IL4I1: variants seen among roughly 807,000 people sequenced by gnomAD.
The protein encoded by IL4I1 is L-amino-acid oxidase.
In IL4I1, 24 loss-of-function variants were observed where a neutral mutation model predicts 29.7. The observed-to-expected ratio is 0.81, with a 90% confidence interval of 0.59 to 1.14. The LOEUF is 1.14. IL4I1 is among the 50% of genes most tolerant of loss of function. The pLI, the probability that IL4I1 is intolerant of heterozygous loss-of-function variation, is 0.00. For synonymous variants in IL4I1, 371 were observed against 352.5 expected (o/e 1.05, Z -0.59); for missense variants, 686 against 785.6 (o/e 0.87, Z 1.52).
chr19:49,914,737 T>G (rs899294398), intron 2 of IL4I1, among the ~76,000 whole-genome samples: 16 of 114,142 alleles, frequency 1.4e-4, no homozygotes, highest in African/African-American at 5.2e-4. Context: ...TTTTTTTTTT[T>G]TTTTTTTTTT....
At chr19:49,894,887 G>A (rs908675974) in intron 4 of IL4I1, among the ~76,000 whole-genome samples, 181 bp downstream of exon 4, 2 of 152,088 alleles carry the variant, frequency 1.3e-5, no homozygotes, top group South Asian at 2.1e-4. Context: ...CAGGTGGCCC[G>A]AGTGTTGCCA....
intron 2 of IL4I1, among the ~76,000 whole-genome samples, chr19:49,912,194 G>C (rs111815150): frequency 6.8e-6 from 1 of 147,352 alleles, no homozygotes; most frequent in African/African-American, 2.5e-5. Flanking sequence ...TTTGAGACGG[G>C]AGTCTCGCTC....
intron 3 of IL4I1, 108 bp downstream of exon 3, chr19:49,895,707 A>AACC: frequency 1.9e-6 from 1 of 513,086 alleles, no homozygotes; most frequent in Non-Finnish European, 3.7e-6. Flanking sequence ...CTCCCCCCAC[A>AACC]TCCCCACCTC....
At chr19:49,916,456 T>C (rs1229363956) in intron 2 of IL4I1, among the ~76,000 whole-genome samples, 7 of 151,112 alleles carry the variant, frequency 4.6e-5, no homozygotes, top group African/African-American at 1.7e-4. Context: ...CGGTATCTTT[T>C]GTATTTTTGT....
At chr19:49,904,876 A>AT (rs886574547) in intron 2 of IL4I1, among the ~76,000 whole-genome samples, 6 of 151,944 alleles carry the variant, frequency 3.9e-5, no homozygotes, top group African/African-American at 1.2e-4. Context: ...CACCCGGCTA[A>AT]TTTTTTTATA....
At chr19:49,901,942 T>C in intron 3 of IL4I1, 1 of 365,848 alleles carries the variant, frequency 2.7e-6, no homozygotes, top group Non-Finnish European at 4.9e-6. Flanking sequence ...AGCCCTTGTC[T>C]CACTCACCCT....
intron 4 of IL4I1, 63 bp downstream of exon 4, chr19:49,895,005 G>A (rs986670346): frequency 2.3e-6 from 3 of 1,280,082 alleles, no homozygotes; most frequent in Non-Finnish European, 2.3e-6. Context: ...CCACTCTGGT[G>A]TGGGCATGGA....
chr19:49,890,592 C>G lies in IL4I1; in HGVS notation c.782G>C (p.Arg261Pro). 1 of 1,553,514 alleles carries G rather than the reference C, an allele frequency of 6.4e-7. No individual in the cohort carries two copies. Among genetic ancestry groups the G allele is most frequent in the Non-Finnish European group, 8.7e-7 (1 of 1,152,880 alleles). Reference sequence around the variant, plus strand: ...CAGCAGGTCCCAGCCACCCACGATGCGGCTGTACCTGCAGGCGGGGCGGGG... The same window carrying G: ...CAGCAGGTCCCAGCCACCCACGATGGGGCTGTACCTGCAGGCGGGGCGGGG... ...SCLSDRLQYS[R>P]IVGGWDLLPR... Residue 261 changes from arginine to proline, a missense_variant, in exon 8 of 8, where the codon CGC becomes CCC. Arg to Pro is a moderately radical substitution (Grantham distance 103, BLOSUM62 -2). Coordinates refer to ENST00000391826, the MANE Select transcript of IL4I1 (RefSeq NM_152899.2).
At chr19:49,896,351 G>A (rs187958037) in intron 1 of IL4I1, among the ~76,000 whole-genome samples, 169 bp from the exon 2 acceptor site, 4 of 148,912 alleles carry the variant, frequency 2.7e-5, no homozygotes, top group Non-Finnish European at 4.4e-5. Flanking sequence ...CCCCTGGACC[G>A]TCCCTGCCTC....
rs140225154 is a variant in IL4I1, at chr19:49,895,904, G to T, written c.163C>A (p.Arg55=). The T allele has an allele frequency of 6.2e-7, 1 of 1,614,076 alleles. No homozygotes were observed. The highest frequency in any genetic ancestry group is 1.7e-5 in the Admixed American group (1 of 59,992). ...LLKVVTWGLN[R]TLKPQRVIVV... is the part of the protein sequence containing the mutation. ...ATCACCCTCTGGGGCTTCAGGGTCC[G>T]ATTGAGCCCCCAGGTCACCACCTTG... Residue 55 remains arginine, a synonymous_variant, in exon 3 of 8, where the codon CGG becomes AGG. Transcript: ENST00000391826.
At chr19:49,922,512 G>A (rs1403842425) in intron 2 of IL4I1, among the ~76,000 whole-genome samples, 1 of 151,888 alleles carries the variant, frequency 6.6e-6, no homozygotes, top group Non-Finnish European at 1.5e-5. Context: ...GCACAGAGGG[G>A]ACCAGCCTCA....
intron 2 of IL4I1, among the ~76,000 whole-genome samples, chr19:49,925,666 G>A (rs2075869335): frequency 6.6e-6 from 1 of 152,184 alleles, no homozygotes; most frequent in Non-Finnish European, 1.5e-5. Flanking sequence ...CATCCTGAAG[G>A]CATCCGGAAG....
At chr19:49,924,601 C>T (rs565564721) in intron 2 of IL4I1, among the ~76,000 whole-genome samples, 5 of 152,258 alleles carry the variant, frequency 3.3e-5, no homozygotes, top group Admixed American at 6.5e-5. Context: ...AAGGGGAGCT[C>T]GAGGCTGGGG....
At chr19:49,909,551 G>T (rs779725554) in intron 2 of IL4I1, 1 of 1,614,206 alleles carries the variant, frequency 6.2e-7, no homozygotes, top group Non-Finnish European at 8.5e-7. Flanking sequence ...AGAAAATCCA[G>T]TTCCCCCCGA....
chr19:49,902,097 T>G (rs1409656611), intron 3 of IL4I1, among the ~76,000 whole-genome samples: 1 of 150,976 alleles, frequency 6.6e-6, no homozygotes, highest in Non-Finnish European at 1.5e-5. Flanking sequence ...CCTCCTGGGT[T>G]CAAGTGGTTC....
At chr19:49,925,426 C>A (rs2075862732) in intron 2 of IL4I1, among the ~76,000 whole-genome samples, 1 of 146,594 alleles carries the variant, frequency 6.8e-6, no homozygotes, top group Admixed American at 7.0e-5. Flanking sequence ...AAGACCCTCC[C>A]CCCCATCTCT....
chr19:49,917,169 G>A (rs1360381682), intron 2 of IL4I1, among the ~76,000 whole-genome samples: 1 of 152,218 alleles, frequency 6.6e-6, no homozygotes, highest in Non-Finnish European at 1.5e-5. Context: ...GGAGAGGAGA[G>A]AAACAAGGGG....
chr19:49,890,234 C>A lies in IL4I1; in HGVS notation c.1140G>T (p.Ser380=). 1.3e-6 allele frequency: 2 copies of A among 1,558,658 alleles called. No homozygotes were observed. Among genetic ancestry groups the A allele is most frequent in the Non-Finnish European group, 1.7e-6 (2 of 1,151,402 alleles). ...GCGGCGGCGGGTAGAAAATCATGCGCGACGGGCGATCGGTGTTTGAGTGGC... is the reference window on the plus strand; with the variant it reads ...GCGGCGGCGGGTAGAAAATCATGCGAGACGGGCGATCGGTGTTTGAGTGGC... ...EGGHSNTDRP[S]RMIFYPPPRE... The change falls in exon 8 of 8, where the codon TCG becomes TCT. Residue 380 remains serine (S), a synonymous_variant. Coordinates refer to ENST00000391826, the MANE Select transcript of IL4I1 (RefSeq NM_152899.2).
upstream of IL4I1, among the ~76,000 whole-genome samples, chr19:49,900,891 G>T (rs2075265356): frequency 6.6e-6 from 1 of 152,216 alleles, no homozygotes; most frequent in South Asian, 2.1e-4. Context: ...CCACAATGAT[G>T]GTTTCGATGA....
Sources: gnomAD v4.1 joint callset for allele counts (sites outside exome capture counted in the v4.1 genomes callset) on GRCh38, gnomAD v4.1.1 for gene constraint, MANE v1.5 for transcripts, NCBI Gene and HGNC (gene_info 2026-07-23, HGNC 2026-07-21) for gene names.